The following ERBB4 variants were observed in gnomAD, a reference collection of about 807,000 sequenced individuals.
The protein encoded by ERBB4 is erb-b2 receptor tyrosine kinase 4, also known as receptor tyrosine-protein kinase erbB-4.
A neutral mutation model predicts 158.0 loss-of-function variants in ERBB4; 42 were observed. That is an observed-to-expected ratio of 0.27 (90% confidence interval 0.21 to 0.34). The LOEUF (loss-of-function observed/expected upper bound fraction) is 0.34, where lower values mean the gene tolerates loss of function less well. Among genes scored for constraint, ERBB4 ranks in the 10% least tolerant of loss-of-function variants. The pLI, the probability that ERBB4 is intolerant of heterozygous loss-of-function variation, is 1.00. For missense variants in ERBB4, 1,333 were observed against 1,624.1 expected (o/e 0.82, Z 3.08); for synonymous variants, 583 against 558.7 (o/e 1.04, Z -0.61).
At chr2:211,730,983 T>C (rs2074410940) in intron 5 of ERBB4, among the ~76,000 whole-genome samples, 1 of 152,120 alleles carries the variant, frequency 6.6e-6, no homozygotes, top group African/African-American at 2.4e-5. Flanking sequence ...TTTAATTTCC[T>C]ATTTGTGTTG....
intron 3 of ERBB4, among the ~76,000 whole-genome samples, chr2:211,844,462 T>C (rs1464129770): frequency 6.6e-6 from 1 of 152,184 alleles, no homozygotes; most frequent in Non-Finnish European, 1.5e-5. Flanking sequence ...CTGATAAATA[T>C]CTGACCCATG....
At chr2:211,752,470 G>C (rs2075159737) in intron 4 of ERBB4, among the ~76,000 whole-genome samples, 1 of 146,230 alleles carries the variant, frequency 6.8e-6, no homozygotes, top group African/African-American at 2.5e-5. Context: ...TATTCTTTGT[G>C]GCCAGAATAC....
At chr2:212,292,360 A>G (rs75257705) in intron 1 of ERBB4, among the ~76,000 whole-genome samples, 1 of 152,050 alleles carries the variant, frequency 6.6e-6, no homozygotes, top group African/African-American at 2.4e-5. Flanking sequence ...ACATCAGAAT[A>G]TAATACTGGC....
At chr2:212,003,153 GAAAGAAAGAAA>G (rs1559292495) in intron 2 of ERBB4, among the ~76,000 whole-genome samples, 47 of 13,750 alleles carry the variant, frequency 3.4e-3, no homozygotes, top group African/African-American at 4.9e-3. Context: ...AGGAAGGAAA[GAAAGAAAGAAA>G]GAAAGAAAGA....
intron 20 of ERBB4, among the ~76,000 whole-genome samples, chr2:211,490,683 CGAA>C (rs775010061): frequency 6.6e-6 from 1 of 151,852 alleles, no homozygotes; most frequent in Non-Finnish European, 1.5e-5. Flanking sequence ...GTTTGTGAGA[CGAA>C]GAAGTATGGG....
intron 1 of ERBB4, among the ~76,000 whole-genome samples, chr2:212,344,618 G>GT (rs35635456): frequency 0.97 from 148,188 of 152,088 alleles, 72,243 homozygotes; most frequent in Middle Eastern, 1. Context: ...AAAGAAAAAT[G>GT]TTTTTTCTTT....
chr2:212,011,994 G>A (rs912071202), intron 2 of ERBB4, among the ~76,000 whole-genome samples: 13 of 152,016 alleles, frequency 8.6e-5, no homozygotes, highest in Non-Finnish European at 1.8e-4. Flanking sequence ...CAACCATTTC[G>A]GTTACCGTGA....
chr2:211,714,472 T>C (rs2073829343), intron 7 of ERBB4, among the ~76,000 whole-genome samples: 1 of 152,180 alleles, frequency 6.6e-6, no homozygotes, highest in African/African-American at 2.4e-5. Flanking sequence ...GATGTATATC[T>C]AGGCTGTGAT....
chr2:212,472,847 T>C (rs1186832929), intron 1 of ERBB4, among the ~76,000 whole-genome samples: 1 of 151,912 alleles, frequency 6.6e-6, no homozygotes, highest in Non-Finnish European at 1.5e-5. Context: ...CTGAGCTATA[T>C]GATGAATGAG....
chr2:211,457,806 C>A (rs1420993655), intron 20 of ERBB4, among the ~76,000 whole-genome samples: 1 of 152,208 alleles, frequency 6.6e-6, no homozygotes, highest in Non-Finnish European at 1.5e-5. Flanking sequence ...TTTATCCTAA[C>A]TTTCTTCTAT....
In ERBB4 at chr2:211,420,571, T is replaced by C. The variant is rs751857242; in HGVS notation, c.3005A>G (p.Lys1002Arg). Residue 1002 changes from lysine (K) to arginine (R), a missense_variant, in exon 25 of 28, where the codon AAG (lysine) becomes AGG (arginine). Physicochemically the swap from Lys to Arg is conservative, Grantham distance 26. Coordinates refer to ENST00000342788, the MANE Select transcript of ERBB4 (RefSeq NM_005235.3). ...RMKLPSPNDS[K>R]FFQNLLDEED... is the part of the protein sequence containing the mutation. ...TTCATCCAAGAGATTCTGAAAGAACTTGCTGTCATTTGGACTGGGAAGCTT... is the reference window on the plus strand; with the variant it reads ...TTCATCCAAGAGATTCTGAAAGAACCTGCTGTCATTTGGACTGGGAAGCTT... 1.9e-6 allele frequency: 3 copies of C among 1,613,040 alleles called. No homozygotes were observed. The highest frequency in any genetic ancestry group is 1.1e-5 in the South Asian group (1 of 91,048).
intron 3 of ERBB4, among the ~76,000 whole-genome samples, chr2:211,860,923 C>A: frequency 8.1e-6 from 1 of 123,656 alleles, no homozygotes. Context: ...AAAACAAAGA[C>A]AATATATTAC....
At chr2:211,615,399 A>T (rs2069348320) in intron 19 of ERBB4, among the ~76,000 whole-genome samples, 1 of 152,092 alleles carries the variant, frequency 6.6e-6, no homozygotes, top group Non-Finnish European at 1.5e-5. Flanking sequence ...TTCTGTCTGA[A>T]ACAAGAACTA....
chr2:211,583,663 C>T lies in ERBB4; in HGVS notation c.2302-21575G>A, dbSNP rs531158488. Among the ~76,000 whole-genome samples, 3 of 151,418 alleles carry T rather than the reference C, an allele frequency of 2.0e-5. No individual in the cohort carries two copies. In the East Asian group the frequency reaches 5.8e-4, roughly 29 times the overall value. ...AAGTATCTATAGGACTGTCTTTTAT[C>T]ACCTTTAAATTTAAAAAATGCAAGA... On this transcript the variant is annotated intron_variant, in intron 19 of 27. Coordinates refer to ENST00000342788, the MANE Select transcript of ERBB4 (RefSeq NM_005235.3).
chr2:211,649,326 C>G (rs1040972062), intron 16 of ERBB4, among the ~76,000 whole-genome samples: 4 of 151,806 alleles, frequency 2.6e-5, no homozygotes. Context: ...CACAGTGTAG[C>G]ATACCTGATA....
At chr2:211,772,934 T>TACACACACACACACACACAC (rs1559504856) in intron 4 of ERBB4, among the ~76,000 whole-genome samples, 1 of 79,970 alleles carries the variant, frequency 1.3e-5, no homozygotes, top group African/African-American at 7.7e-5. Context: ...CATATATATA[T>TACACACACACACACACACAC]ATATATATAT....
At chr2:211,558,332 G>A (rs554694547) in intron 20 of ERBB4, among the ~76,000 whole-genome samples, 4 of 152,194 alleles carry the variant, frequency 2.6e-5, no homozygotes, top group Non-Finnish European at 5.9e-5. Context: ...GCACTGCTCA[G>A]CTCTGATCTG....
chr2:211,458,664 C>A (rs1170948279), intron 20 of ERBB4, among the ~76,000 whole-genome samples: 1 of 152,136 alleles, frequency 6.6e-6, no homozygotes, highest in East Asian at 1.9e-4. Context: ...ATGAGCAAAG[C>A]TTTCCCTGAC....
chr2:211,640,507 C>T (rs1381837764), intron 16 of ERBB4, among the ~76,000 whole-genome samples: 6 of 152,202 alleles, frequency 3.9e-5, no homozygotes, highest in African/African-American at 1.2e-4. Context: ...AATAACTCTT[C>T]CAATATAATT....
Sources: gnomAD v4.1 joint callset for allele counts (sites outside exome capture counted in the v4.1 genomes callset) on GRCh38, gnomAD v4.1.1 for gene constraint, MANE v1.5 for transcripts, NCBI Gene and HGNC (gene_info 2026-07-23, HGNC 2026-07-21) for gene names.